Variants in ZNF280D observed in about 807,000 individuals in gnomAD.
ZNF280D encodes zinc finger protein 280D.
In ZNF280D, 39 loss-of-function variants were observed where a neutral mutation model predicts 94.7. That is an observed-to-expected ratio of 0.41 (90% CI 0.32 to 0.54). The LOEUF is 0.54. ZNF280D is among the 20% of genes least tolerant of loss of function. The probability of loss-of-function intolerance (pLI) is 0.22; values close to 1 mark genes in which losing one functional copy is unlikely to be tolerated. For synonymous variants in ZNF280D, 398 were observed against 377.6 expected (o/e 1.05, Z -0.63); for missense variants, 1,090 against 1,149.3 (o/e 0.95, Z 0.75).
chr15:56,713,036 G>A (rs191197505), intron 1 of ZNF280D, among the ~76,000 whole-genome samples: 5 of 151,972 alleles, frequency 3.3e-5, no homozygotes, highest in Admixed American at 1.3e-4. Flanking sequence ...CACCATGCCC[G>A]GTCAAATGGT....
At chr15:56,676,946 C>G (rs1477384687) in intron 12 of ZNF280D, 130 bp from the exon 13 acceptor site, 4 of 650,040 alleles carry the variant, frequency 6.2e-6, no homozygotes, top group Non-Finnish European at 1.0e-5. Context: ...GCCTTTGCAA[C>G]CAAGAATCTC....
rs1184400895 is a variant in ZNF280D at position 56,689,028 on chromosome 15, G to T, written c.780+13C>A. The stretch of plus-strand genomic sequence containing the variant: ...GCAAACTTTTTACAAATTAAATTTT[G>T]AAAGAGTTTTACCTTCATGTGATTT... On this transcript the variant is annotated intron_variant, in intron 9 of 21. Coordinates refer to ENST00000267807, the MANE Select transcript of ZNF280D (RefSeq NM_017661.4). 5 of 1,547,996 alleles carry T rather than the reference G, an allele frequency of 3.2e-6. No individual in the cohort carries two copies. Among genetic ancestry groups the T allele is most frequent in the Admixed American group, 1.9e-5 (1 of 52,380 alleles).
rs569315915 is a variant in ZNF280D, at chr15:56,732,757, A to C, written c.-86+701T>G. The C allele has an allele frequency of 2.6e-5, 4 of 152,308 alleles. No individual in the cohort carries two copies. The South Asian group carries it at 8.3e-4, about 32-fold the overall frequency. 9.4% of individuals were successfully genotyped at this position (152,308 alleles called of 1,614,324 possible). ...CGATAAGTTGGGAGGAATTCCTTCC[A>C]TCGCTGGAGCAGGCTAAAACCTCAG... On this transcript the variant is annotated intron_variant, in intron 1 of 21. Coordinates refer to ENST00000267807, the MANE Select transcript of ZNF280D (RefSeq NM_017661.4).
chr15:56,683,967 T>C (rs1191908837), intron 9 of ZNF280D, among the ~76,000 whole-genome samples: 1 of 152,110 alleles, frequency 6.6e-6, no homozygotes, highest in Admixed American at 6.5e-5. Flanking sequence ...TCAGTAAAAA[T>C]ACACATCTTA....
chr15:56,662,135 T>C (rs1232797274), intron 16 of ZNF280D, among the ~76,000 whole-genome samples: 3 of 152,182 alleles, frequency 2.0e-5, no homozygotes, highest in South Asian at 2.1e-4. Context: ...TTCTCTTTTA[T>C]GTAAAGAAAA....
chr15:56,651,190 G>C (rs1275469025), intron 19 of ZNF280D, among the ~76,000 whole-genome samples: 2 of 152,186 alleles, frequency 1.3e-5, no homozygotes, highest in African/African-American at 4.8e-5. Flanking sequence ...TTGCCAAAAT[G>C]TGACAAAAAC....
At chr15:56,722,163 C>T (rs1401818463) in intron 1 of ZNF280D, among the ~76,000 whole-genome samples, 2 of 152,204 alleles carry the variant, frequency 1.3e-5, no homozygotes, top group Non-Finnish European at 2.9e-5. Context: ...TACCATTTTA[C>T]ATGAGTGCAG....
intron 9 of ZNF280D, among the ~76,000 whole-genome samples, chr15:56,685,432 G>T (rs2055936971): frequency 6.6e-6 from 1 of 152,054 alleles, no homozygotes; most frequent in South Asian, 2.1e-4. Flanking sequence ...ATAAAAATTG[G>T]GAGAGGATAA....
At chr15:56,698,168 T>C (rs551016404) in intron 6 of ZNF280D, 5 of 152,350 alleles carry the variant, frequency 3.3e-5, no homozygotes, top group South Asian at 2.1e-4. Context: ...ATTAAAATCA[T>C]TGGTCTATCT....
intron 1 of ZNF280D, among the ~76,000 whole-genome samples, chr15:56,727,056 G>GA (rs370001065): frequency 3.3e-5 from 5 of 152,130 alleles, no homozygotes; most frequent in African/African-American, 1.2e-4. Flanking sequence ...AAAGTGACTA[G>GA]AAAAAATGGG....
intron 7 of ZNF280D, among the ~76,000 whole-genome samples, 177 bp from the exon 8 acceptor site, chr15:56,689,647 T>G (rs1057236153): frequency 6.6e-6 from 1 of 152,026 alleles, no homozygotes; most frequent in African/African-American, 2.4e-5. Context: ...TGCACATATA[T>G]TTATCATGGA....
Position 56,663,238 on chromosome 15 carries a change from G to T in ZNF280D, c.1994+3157C>A, listed in dbSNP as rs538216034. Reference sequence around the variant, plus strand: ...GGTTGAGGCTGTAGTGAACTGTGATGGAGCCACTGCACTCCAGCCTGGGTT... The same window carrying T: ...GGTTGAGGCTGTAGTGAACTGTGATTGAGCCACTGCACTCCAGCCTGGGTT... On this transcript the variant is annotated intron_variant, in intron 16 of 21. Coordinates refer to ENST00000267807, the MANE Select transcript of ZNF280D (RefSeq NM_017661.4). Among the ~76,000 whole-genome samples, 10 of 143,120 alleles carry T rather than the reference G, an allele frequency of 7.0e-5. No homozygotes were observed. The South Asian group carries it at 2.3e-3, about 32-fold the overall frequency. The allele number at this position is 143,120 out of a possible 152,430, so 93.9% of individuals were successfully genotyped here.
intron 20 of ZNF280D, among the ~76,000 whole-genome samples, chr15:56,638,074 G>C (rs1298787602): frequency 1.3e-5 from 2 of 152,064 alleles, no homozygotes; most frequent in African/African-American, 4.8e-5. Flanking sequence ...AGTTTCAGTA[G>C]ACTTTTTCTT....
chr15:56,715,998 G>T (rs2058023920), intron 1 of ZNF280D, among the ~76,000 whole-genome samples: 2 of 152,130 alleles, frequency 1.3e-5, no homozygotes, highest in South Asian at 2.1e-4. Flanking sequence ...ATCTAGAGAT[G>T]ATTTAAAGTA....
chr15:56,671,656 C>T (rs975585019), intron 13 of ZNF280D, among the ~76,000 whole-genome samples: 5 of 151,900 alleles, frequency 3.3e-5, no homozygotes, highest in Admixed American at 6.6e-5. Context: ...CTTGGCTATT[C>T]GGGCTATTTT....
intron 16 of ZNF280D, among the ~76,000 whole-genome samples, chr15:56,663,984 G>A (rs1437323270): frequency 1.3e-5 from 2 of 152,146 alleles, no homozygotes. Flanking sequence ...TTGTATGCTT[G>A]TAACAAAATA....
At chr15:56,673,062 A>G (rs1348414142) in intron 13 of ZNF280D, among the ~76,000 whole-genome samples, 1 of 152,024 alleles carries the variant, frequency 6.6e-6, no homozygotes, top group Non-Finnish European at 1.5e-5. Context: ...CCAAAACAAT[A>G]CAGCAGGTAA....
chr15:56,703,513 T>C (rs1285989046), intron 4 of ZNF280D, among the ~76,000 whole-genome samples: 1 of 152,198 alleles, frequency 6.6e-6, no homozygotes, highest in East Asian at 1.9e-4. Context: ...AAATGTTTTA[T>C]TTTCTCTTCT....
intron 1 of ZNF280D, among the ~76,000 whole-genome samples, chr15:56,725,156 C>G (rs1192100277): frequency 6.6e-6 from 1 of 151,996 alleles, no homozygotes; most frequent in Non-Finnish European, 1.5e-5. Context: ...AGCCTAGAAG[C>G]AAAGGGCAAA....
Sources: gnomAD v4.1 joint callset for allele counts (sites outside exome capture counted in the v4.1 genomes callset) on GRCh38, gnomAD v4.1.1 for gene constraint, MANE v1.5 for transcripts, NCBI Gene and HGNC (gene_info 2026-07-23, HGNC 2026-07-21) for gene names.